The following AP1G1 variants were observed in gnomAD, a reference collection of about 807,000 sequenced individuals.
AP1G1 encodes the protein AP-1 complex subunit gamma-1.
AP1G1 carries 7 observed loss-of-function variants against 108.3 expected under a neutral mutation model. The ratio of observed to expected loss-of-function variants is 0.06; its 90% CI spans 0.04 to 0.12. The LOEUF (loss-of-function observed/expected upper bound fraction) is 0.12, where lower values mean the gene tolerates loss of function less well. Among genes scored for constraint, AP1G1 ranks in the 10% least tolerant of loss-of-function variants. AP1G1 has a pLI of 1.00. For synonymous variants in AP1G1, 379 were observed against 353.5 expected, an observed-to-expected ratio of 1.07 and a Z score of -0.81; for missense variants, 756 against 1,010.7, an observed-to-expected ratio of 0.75 and a Z score of 3.42.
intron 2 of AP1G1, among the ~76,000 whole-genome samples, chr16:71,776,017 G>C (rs2031768982): frequency 6.6e-6 from 1 of 152,144 alleles, no homozygotes. Context: ...AGTATTCAAA[G>C]TGCGTACACA....
At chr16:71,743,821 C>T (rs982120163) in intron 19 of AP1G1, among the ~76,000 whole-genome samples, 2 of 151,556 alleles carry the variant, frequency 1.3e-5, no homozygotes, top group Admixed American at 1.3e-4. Flanking sequence ...TAGCAGGCGC[C>T]TGTAATCCCA....
At chr16:71,790,079 G>T (rs974819362) in intron 1 of AP1G1, among the ~76,000 whole-genome samples, 1 of 140,136 alleles carries the variant, frequency 7.1e-6, no homozygotes, top group African/African-American at 2.7e-5. Flanking sequence ...GGCTATTAGT[G>T]TCATGAATAT....
chr16:71,745,394 G>C (rs891908359), intron 18 of AP1G1, 79 bp downstream of exon 18: 4 of 1,606,862 alleles, frequency 2.5e-6, no homozygotes, highest in Non-Finnish European at 3.4e-6. Flanking sequence ...GAACATTAAA[G>C]GGACTCAGCT....
Position 71,776,622 on chromosome 16 carries a change from A to G in AP1G1, c.202-2030T>C, listed in dbSNP as rs140696117. Among the ~76,000 whole-genome samples the G allele has an allele frequency of 4.6e-5, 7 of 152,358 alleles. No individual in the cohort carries two copies. The East Asian group carries it at 7.7e-4, about 17-fold the overall frequency. ...TGAAAGCAAATGTTCCAAGAATCAG[A>G]TATCAGAGTTTTCATCATCCTCATT... On this transcript the variant is annotated intron_variant, in intron 2 of 22. Transcript: ENST00000299980.
intron 4 of AP1G1, 131 bp from the exon 5 acceptor site, chr16:71,771,383 G>A (rs1162595703): frequency 1.7e-6 from 1 of 575,174 alleles, no homozygotes; most frequent in Non-Finnish European, 3.0e-6. Context: ...GAAGGAAGAG[G>A]TTAGATATTA....
At chr16:71,791,264 C>T (rs896140153) in intron 1 of AP1G1, among the ~76,000 whole-genome samples, 4 of 151,090 alleles carry the variant, frequency 2.6e-5, no homozygotes, top group African/African-American at 9.7e-5. Flanking sequence ...AAAAAATCCT[C>T]ACAGAACTGT....
At chr16:71,744,122 TGATCCCA>T (rs1363875771) in intron 19 of AP1G1, among the ~76,000 whole-genome samples, 1 of 151,792 alleles carries the variant, frequency 6.6e-6, no homozygotes, top group Non-Finnish European at 1.5e-5. Flanking sequence ...TGCGTGCCTG[TGATCCCA>T]GCTACTCAGG....
chr16:71,746,615 G>A lies in AP1G1; in HGVS notation c.1703C>T (p.Ala568Val), dbSNP rs1354340974. ...ELQQRAVEYN[A>V]LFKKYDHMRS... Reference sequence around the variant, plus strand: ...CATGTGGTCATATTTCTTGAAAAGTGCATTATATTCTACTGCCCTCTGCTG... The same window carrying A: ...CATGTGGTCATATTTCTTGAAAAGTACATTATATTCTACTGCCCTCTGCTG... The change falls in exon 17 of 23, where the codon GCA (alanine) becomes GTA (valine). Residue 568 changes from alanine to valine, a missense_variant. Coordinates refer to ENST00000299980, the MANE Select transcript of AP1G1 (RefSeq NM_001128.6). 2.5e-6 allele frequency: 4 copies of A among 1,611,890 alleles called. No homozygotes were observed. Among genetic ancestry groups the A allele is most frequent in the Non-Finnish European group, 2.5e-6 (3 of 1,178,962 alleles).
chr16:71,778,673 A>T (rs1306435058), intron 2 of AP1G1, among the ~76,000 whole-genome samples: 2 of 126,232 alleles, frequency 1.6e-5, no homozygotes, highest in South Asian at 3.1e-4. Context: ...ACAAATTGAG[A>T]TTCTGTCTTA....
chr16:71,756,458 T>G (rs1165405299), intron 11 of AP1G1: 3 of 253,548 alleles, frequency 1.2e-5, no homozygotes, highest in African/African-American at 6.7e-5. Context: ...AAGGTGGAAG[T>G]TAGAATACCT....
At position 71,773,193 on chromosome 16, in the gene AP1G1, A is replaced by G. The variant is rs773519680; in HGVS notation, c.468+28T>C. On this transcript the variant is annotated intron_variant, in intron 4 of 22. Coordinates refer to ENST00000299980, the MANE Select transcript of AP1G1 (RefSeq NM_001128.6). ...CATCTCCATAATACTCCCTAATCCAAACAGACATTTGGTTCATTAAAAGTT... is the reference window on the plus strand; with the variant it reads ...CATCTCCATAATACTCCCTAATCCAGACAGACATTTGGTTCATTAAAAGTT... The G allele has an allele frequency of 9.9e-6, 16 of 1,611,172 alleles. No individual in the cohort carries two copies. The South Asian group carries it at 1.2e-4, about 12-fold the overall frequency.
At chr16:71,779,729 T>G (rs1305287596) in intron 2 of AP1G1, among the ~76,000 whole-genome samples, 1 of 152,214 alleles carries the variant, frequency 6.6e-6, no homozygotes, top group Non-Finnish European at 1.5e-5. Flanking sequence ...TACATCTTCC[T>G]GTAGCAAGTA....
intron 1 of AP1G1, chr16:71,806,870 G>C: frequency 2.8e-6 from 1 of 351,804 alleles, no homozygotes; most frequent in Non-Finnish European, 5.2e-6. Context: ...TTTCTTCTGA[G>C]ACATCATATG....
At chr16:71,800,960 A>C (rs2032774633) in intron 1 of AP1G1, among the ~76,000 whole-genome samples, 2 of 152,020 alleles carry the variant, frequency 1.3e-5, no homozygotes, top group African/African-American at 4.8e-5. Flanking sequence ...ACGCCATTGC[A>C]CTCCAGCCTG....
At chr16:71,756,925 T>C (rs1010034351) in intron 11 of AP1G1, among the ~76,000 whole-genome samples, 3 of 129,956 alleles carry the variant, frequency 2.3e-5, no homozygotes, top group Non-Finnish European at 4.7e-5. Context: ...AGTGAGACTC[T>C]GTCTCAAAAA....
rs1220061795 is a variant in AP1G1, at chr16:71,745,529, C to T, written c.1816G>A (p.Glu606Lys). Reference protein sequence around the residue: ...TEIVQTNGETEPAPLETKPPP... With the variant: ...TEIVQTNGETKPAPLETKPPP... Reference sequence around the variant, plus strand: ...GGTTTGGTCTCTAGTGGAGCTGGTTCTGTCTCTCCATTTGTCTGCACAATC... The same window carrying T: ...GGTTTGGTCTCTAGTGGAGCTGGTTTTGTCTCTCCATTTGTCTGCACAATC... The change falls in exon 18 of 23, where the codon GAA becomes AAA. Residue 606 changes from glutamate to lysine, a missense_variant. Glu to Lys is a moderately conservative substitution (Grantham distance 56). This residue lies in a region of AP1G1 where 357 missense variants were observed against 366.5 expected (regional missense o/e 0.97). Transcript: ENST00000299980. 2 of 1,614,062 alleles carry T rather than the reference C, an allele frequency of 1.2e-6. No homozygotes were observed. Among genetic ancestry groups the T allele is most frequent in the Non-Finnish European group, 1.7e-6 (2 of 1,180,044 alleles).
In AP1G1 at chr16:71,731,482, T is replaced by C. The variant is rs764078726; in HGVS notation, c.*1576A>G. 2.0e-5 allele frequency: 3 copies of C among 152,690 alleles called. No homozygotes were observed. Among genetic ancestry groups the C allele is most frequent in the Non-Finnish European group, 4.4e-5 (3 of 68,052 alleles). 9.5% of individuals were successfully genotyped at this position (152,690 alleles called of 1,614,324 possible). On this transcript the variant is annotated 3_prime_UTR_variant, in exon 23 of 23. Transcript: ENST00000299980. The stretch of plus-strand genomic sequence containing the variant: ...ATTGAAGCCATAGTAGTCATTATAC[T>C]GTATTCAATACAGTAACAATTGCAA...
Position 71,788,189 on chromosome 16 carries a change from C to T in AP1G1, c.201+1090G>A, listed in dbSNP as rs567103485. 8.5e-5 allele frequency among the ~76,000 whole-genome samples: 13 copies of T among 152,250 alleles called. No homozygotes were observed. The South Asian group carries it at 2.5e-3, about 29-fold the overall frequency. On this transcript the variant is annotated intron_variant, in intron 2 of 22. Transcript: ENST00000299980. ...GATCTCCTTCCACTGAAATTACTGA[C>T]CTAAACAGTAAATAAGCTGATGACT...
Position 71,756,103 on chromosome 16 carries a change from A to G in AP1G1, c.1145T>C (p.Met382Thr), listed in dbSNP as rs761053234. ...LVNGNNIRGM[M>T]KELLYFLDSC... ...ATCCAGAAAATAAAGTAATTCTTTC[A>G]TCATGCCTCGGATATTATTCCCATT... The change falls in exon 12 of 23, where the codon ATG becomes ACG. Residue 382 changes from methionine to threonine, a missense_variant. By Grantham distance (81) the Met-to-Thr change is moderately conservative. Around this residue, in one of 3 missense-constraint regions of AP1G1, gnomAD observed 304 missense variants for 483.6 expected, o/e 0.63. Transcript: ENST00000299980. 1 of 1,613,836 alleles carries G rather than the reference A, an allele frequency of 6.2e-7. No individual in the cohort carries two copies. Among genetic ancestry groups the G allele is most frequent in the South Asian group, 1.1e-5 (1 of 90,956 alleles).
Sources: gnomAD v4.1 joint callset for allele counts (sites outside exome capture counted in the v4.1 genomes callset) on GRCh38, gnomAD v4.1.1 for gene constraint, gnomAD v4.1.1 regional missense constraint, MANE v1.5 for transcripts, NCBI Gene and HGNC (gene_info 2026-07-23, HGNC 2026-07-21) for gene names.